Variants in ZNF251 observed in about 807,000 individuals in gnomAD.
ZNF251 encodes the protein zinc finger protein 251.
ZNF251 carries 14 observed loss-of-function variants against 13.5 expected under a neutral mutation model. The ratio of observed to expected loss-of-function variants is 1.04; its 90% CI spans 0.69 to 1.63. The LOEUF (loss-of-function observed/expected upper bound fraction) is 1.63. Among genes scored for constraint, ZNF251 ranks in the 40% most tolerant of loss-of-function variants. ZNF251 has a pLI of 0.00. For missense variants in ZNF251, 764 were observed against 834.9 expected (o/e 0.92, Z 1.05); for synonymous variants, 287 against 295.2 (o/e 0.97, Z 0.28).
At chr8:144,744,925 G>A (rs567239845) in intron 4 of ZNF251, among the ~76,000 whole-genome samples, 2 of 152,224 alleles carry the variant, frequency 1.3e-5, no homozygotes, top group African/African-American at 2.4e-5. Flanking sequence ...GCGTGGTGGC[G>A]GGCGCCTGTA....
rs1282830226 is a variant in ZNF251, at chr8:144,754,278, T to C, written c.77A>G (p.Gln26Arg). The change falls in exon 3 of 5, where the codon CAG (glutamine) becomes CGG (arginine). Residue 26 changes from glutamine to arginine, a missense_variant. Gln to Arg is a conservative substitution (Grantham distance 43). Transcript: ENST00000292562. The stretch of plus-strand genomic sequence containing the variant: ...GGGGCCCAGCTGCCGCCCCTCCGCC[T>C]GAGAGAAGTACACGGCCACATCCTG... ...TFQDVAVYFS[Q>R]AEGRQLGPQQ... is the part of the protein sequence containing the mutation. 1.9e-6 allele frequency: 3 copies of C among 1,613,312 alleles called. No homozygotes were observed. Among genetic ancestry groups the C allele is most frequent in the Non-Finnish European group, 2.5e-6 (3 of 1,179,644 alleles).
Position 144,722,702 on chromosome 8 carries a change from G to A in ZNF251, c.958C>T (p.Pro320Ser). The A allele has an allele frequency of 6.2e-7, 1 of 1,614,100 alleles. No individual in the cohort carries two copies. The highest frequency in any genetic ancestry group is 1.1e-5 in the South Asian group (1 of 91,080). The change falls in exon 5 of 5, where the codon CCC becomes TCC. Residue 320 changes from proline to serine, a missense_variant. Physicochemically the swap from Pro to Ser is moderately conservative, Grantham distance 74 (BLOSUM62 -1). Transcript: ENST00000292562. The surrounding 1 kb of genome is among the most constrained non-coding windows in gnomAD (Gnocchi z 4.8). ...QHRIIHTGEK[P>S]YKCNECGRGF... ...CTTCCACATTCATTACACTTGTAGG[G>A]TTTCTCTCCTGTGTGAATGATCCGA...
At chr8:144,753,890 C>T in intron 3 of ZNF251, 94 bp from the exon 4 acceptor site, 1 of 963,462 alleles carries the variant, frequency 1.0e-6, no homozygotes, top group Non-Finnish European at 1.5e-6. Flanking sequence ...CGTGTGTACG[C>T]CTGCACGTGT....
chr8:144,744,558 G>A (rs1824327189), intron 4 of ZNF251, among the ~76,000 whole-genome samples: 1 of 152,158 alleles, frequency 6.6e-6, no homozygotes, highest in Non-Finnish European at 1.5e-5. Context: ...GTCTTTGAGA[G>A]GTCATTCGAG....
Position 144,734,324 on chromosome 8 carries a change from G to T in ZNF251, c.278-10942C>A, listed in dbSNP as rs1303115166. Among the ~76,000 whole-genome samples the T allele has an allele frequency of 6.6e-6, 1 of 152,230 alleles. No homozygotes were observed. The highest frequency in any genetic ancestry group is 1.5e-5 in the Non-Finnish European group (1 of 68,046). On this transcript the variant is annotated intron_variant, in intron 4 of 4. Transcript: ENST00000292562. This position sits in a 1 kb window ranked among gnomAD's most constrained non-coding sequence, Gnocchi z 4.4. ...GCAAATATCCATGCTTTGTCCCTGT[G>T]GCTGTCGGCCCTGTCCCCCAACTCC...
Position 144,751,232 on chromosome 8 carries a change from T to C in ZNF251, c.277+2451A>G, listed in dbSNP as rs1237123243. ...AGCTAAGATTTGTTGATTTTTCAGT[T>C]TGTTCAGCTTTTTACTTGTTAGGAC... On this transcript the variant is annotated intron_variant, in intron 4 of 4. Transcript: ENST00000292562. Among the ~76,000 whole-genome samples, 3 of 152,236 alleles carry C rather than the reference T, an allele frequency of 2.0e-5. No individual in the cohort carries two copies. In the East Asian group the frequency reaches 5.8e-4, roughly 29 times the overall value.
chr8:144,750,614 G>C (rs942281543), intron 4 of ZNF251, among the ~76,000 whole-genome samples: 3 of 152,134 alleles, frequency 2.0e-5, no homozygotes, highest in Non-Finnish European at 2.9e-5. Flanking sequence ...ATTTTTCTCT[G>C]ATATTCACTG....
intron 4 of ZNF251, among the ~76,000 whole-genome samples, chr8:144,745,423 T>A (rs1824377121): frequency 6.6e-6 from 1 of 152,154 alleles, no homozygotes; most frequent in Non-Finnish European, 1.5e-5. Context: ...AGTACTGAAA[T>A]TGGGTACTAT....
intron 4 of ZNF251, among the ~76,000 whole-genome samples, chr8:144,744,830 C>T (rs1430283720): frequency 2.6e-5 from 4 of 152,112 alleles, no homozygotes; most frequent in South Asian, 2.1e-4. Context: ...CCGAGGCGGG[C>T]GGATCACCTG....
intron 4 of ZNF251, among the ~76,000 whole-genome samples, chr8:144,739,401 C>A (rs750788714): frequency 1.3e-5 from 2 of 151,604 alleles, no homozygotes; most frequent in Non-Finnish European, 2.9e-5. Context: ...TCACAAATCA[C>A]GACTCCACTC....
chr8:144,753,643 G>A, intron 4 of ZNF251, 40 bp downstream of exon 4: 1 of 1,502,934 alleles, frequency 6.7e-7, no homozygotes, highest in Non-Finnish European at 9.0e-7. Context: ...AGGCAGGATT[G>A]GGAGGCTGCT....
intron 4 of ZNF251, among the ~76,000 whole-genome samples, chr8:144,741,718 A>C (rs1313682444): frequency 1.3e-5 from 2 of 152,254 alleles, no homozygotes; most frequent in African/African-American, 2.4e-5. Flanking sequence ...TCTGAAATAA[A>C]GCATTACTTG....
intron 4 of ZNF251, among the ~76,000 whole-genome samples, chr8:144,724,162 T>G (rs1290946991): frequency 6.9e-6 from 1 of 145,576 alleles, no homozygotes; most frequent in African/African-American, 2.6e-5. Context: ...GAGAATGGCG[T>G]GAACCCAGGA....
intron 1 of ZNF251, chr8:144,755,074 C>G: frequency 7.7e-7 from 1 of 1,304,186 alleles, no homozygotes; most frequent in East Asian, 3.6e-5. Flanking sequence ...AAATGGGGTG[C>G]AGGGCCGTTC....
intron 2 of ZNF251, 126 bp downstream of exon 2, chr8:144,754,570 C>T (rs1824865077): frequency 8.9e-6 from 13 of 1,462,328 alleles, no homozygotes; most frequent in Non-Finnish European, 1.2e-5. Context: ...GAACCCTTTC[C>T]TCACGGTTGC....
intron 4 of ZNF251, among the ~76,000 whole-genome samples, chr8:144,736,535 A>G (rs1823903178): frequency 6.6e-6 from 1 of 151,344 alleles, no homozygotes; most frequent in African/African-American, 2.4e-5. Flanking sequence ...CTTGTTGCCC[A>G]GGCTAGAGTG....
At chr8:144,755,196 G>T in intron 1 of ZNF251, 1 of 1,169,454 alleles carries the variant, frequency 8.6e-7, no homozygotes, top group Admixed American at 4.0e-5. Context: ...AGGCTCCGGG[G>T]AGAGGCCGGA....
intron 4 of ZNF251, among the ~76,000 whole-genome samples, chr8:144,740,220 G>C (rs1223307371): frequency 6.6e-6 from 1 of 151,926 alleles, no homozygotes; most frequent in Non-Finnish European, 1.5e-5. Context: ...GGGAGGTGGA[G>C]GTTGCTGTGA....
chr8:144,738,752 G>C lies in ZNF251; in HGVS notation c.277+14931C>G, dbSNP rs935004727. 7.3e-5 allele frequency: 72 copies of C among 984,946 alleles called. No individual in the cohort carries two copies. The African/African-American group carries it at 1.2e-3, about 17-fold the overall frequency. 61.0% of individuals were successfully genotyped at this position (984,946 alleles called of 1,614,324 possible). A position where few individuals can be genotyped will look rare whatever the true frequency, so the allele number is the denominator to read the frequency against. ...GTTTTCTTGTTCAAGGCAACCTCGT[G>C]GGGGCACCTGTTTGTGGAAACAGCA... is the stretch of plus-strand genomic sequence containing the variant. On this transcript the variant is annotated intron_variant, in intron 4 of 4. Coordinates refer to ENST00000292562, the MANE Select transcript of ZNF251 (RefSeq NM_138367.2).
Sources: gnomAD v4.1 joint callset for allele counts (sites outside exome capture counted in the v4.1 genomes callset) on GRCh38, gnomAD v4.1.1 for gene constraint, Gnocchi (gnomAD v3.1) non-coding constraint, MANE v1.5 for transcripts, NCBI Gene and HGNC (gene_info 2026-07-23, HGNC 2026-07-21) for gene names.